Variants in AIM2 observed in about 807,000 individuals in gnomAD.
The protein encoded by AIM2 is interferon-inducible protein AIM2.
A neutral mutation model predicts 27.7 loss-of-function variants in AIM2; 30 were observed. The ratio of observed to expected loss-of-function variants is 1.08; its 90% confidence interval spans 0.81 to 1.47. AIM2 has a LOEUF of 1.47. AIM2 is among the 40% of genes most tolerant of loss of function. AIM2 has a pLI of 0.00. For missense variants in AIM2, 358 were observed against 411.3 expected, an observed-to-expected ratio of 0.87 and a Z score of 1.12; for synonymous variants, 141 against 145.3, an observed-to-expected ratio of 0.97 and a Z score of 0.21.
At chr1:159,103,216 T>C (rs1324933406) in intron 1 of AIM2, among the ~76,000 whole-genome samples, 5 of 152,206 alleles carry the variant, frequency 3.3e-5, no homozygotes, top group African/African-American at 4.8e-5. Context: ...CCTGACACCC[T>C]GTGAAGAAAC....
intron 3 of AIM2, among the ~76,000 whole-genome samples, chr1:159,066,774 A>G (rs576371575): frequency 6.6e-6 from 1 of 152,338 alleles, no homozygotes; most frequent in South Asian, 2.1e-4. Flanking sequence ...GAGGGAGCTC[A>G]GTGACCAGCA....
intron 1 of AIM2, among the ~76,000 whole-genome samples, chr1:159,098,371 C>A (rs529741918): frequency 6.6e-6 from 1 of 152,066 alleles, no homozygotes; most frequent in African/African-American, 2.4e-5. Context: ...CAACAGTTGC[C>A]ACTAACCGTA....
chr1:159,131,357 A>G (rs546101091), intron 1 of AIM2, among the ~76,000 whole-genome samples: 18 of 152,324 alleles, frequency 1.2e-4, no homozygotes, highest in African/African-American at 4.1e-4. Flanking sequence ...ATATATATGT[A>G]TATGTATACA....
intron 1 of AIM2, among the ~76,000 whole-genome samples, chr1:159,139,623 G>T (rs1648073662): frequency 6.6e-6 from 1 of 152,182 alleles, no homozygotes; most frequent in African/African-American, 2.4e-5. Flanking sequence ...ATAGGGAATA[G>T]AAATGACAAG....
intron 1 of AIM2, among the ~76,000 whole-genome samples, chr1:159,074,950 C>A (rs976580632): frequency 4.6e-5 from 7 of 151,996 alleles, no homozygotes; most frequent in Non-Finnish European, 1.0e-4. Flanking sequence ...TAGAATTTAT[C>A]AGAATGATCC....
chr1:159,097,434 T>C (rs1657202351), intron 1 of AIM2, among the ~76,000 whole-genome samples: 1 of 152,106 alleles, frequency 6.6e-6, no homozygotes, highest in African/African-American at 2.4e-5. Context: ...ACCCAAAATA[T>C]TATCTTTAGG....
At chr1:159,062,841 A>G (rs1655892925) in intron 5 of AIM2, 123 bp from the exon 6 acceptor site, 1 of 931,278 alleles carries the variant, frequency 1.1e-6, no homozygotes, top group East Asian at 2.5e-5. Flanking sequence ...TTTTGTTCCC[A>G]CCCTTCTAAT....
At chr1:159,067,647 T>G (rs573834687) in intron 3 of AIM2, among the ~76,000 whole-genome samples, 1 of 152,334 alleles carries the variant, frequency 6.6e-6, no homozygotes, top group South Asian at 2.1e-4. Flanking sequence ...TTTTCATTAC[T>G]GATGAGGGAA....
At chr1:159,094,588 C>T (rs1557902461) in intron 1 of AIM2, among the ~76,000 whole-genome samples, 2 of 152,272 alleles carry the variant, frequency 1.3e-5, no homozygotes, top group East Asian at 3.9e-4. Context: ...ATCCCTGCTA[C>T]TCGGGAGGCT....
At chr1:159,092,806 T>C (rs1173181402) in intron 1 of AIM2, among the ~76,000 whole-genome samples, 1 of 152,040 alleles carries the variant, frequency 6.6e-6, no homozygotes, top group Non-Finnish European at 1.5e-5. Context: ...GGCGGATCAA[T>C]TGAGGTCAGG....
downstream of AIM2, among the ~76,000 whole-genome samples, chr1:159,057,571 T>A (rs180772897): frequency 6.6e-6 from 1 of 152,222 alleles, no homozygotes; most frequent in Non-Finnish European, 1.5e-5. Flanking sequence ...AGAACTAGGA[T>A]GCTGACGGAG....
chr1:159,062,947 C>A (rs1316134398), intron 5 of AIM2, among the ~76,000 whole-genome samples: 2 of 152,180 alleles, frequency 1.3e-5, no homozygotes, highest in Non-Finnish European at 2.9e-5. Context: ...TTTCTCAAAT[C>A]TTGGCCTCCA....
At chr1:159,081,669 G>T, upstream of AIM2, 2 of 272,340 alleles carry the variant, frequency 7.3e-6, no homozygotes. Context: ...AAAATCCCTG[G>T]CATAGGACTT....
intron 1 of AIM2, among the ~76,000 whole-genome samples, chr1:159,137,731 A>G (rs905915983): frequency 6.6e-6 from 1 of 152,208 alleles, no homozygotes; most frequent in Non-Finnish European, 1.5e-5. Flanking sequence ...TATGTTAGAG[A>G]GTTTTCTGCA....
intron 1 of AIM2, among the ~76,000 whole-genome samples, chr1:159,118,849 T>G (rs74122265): frequency 0.061 from 8,914 of 147,028 alleles, 840 homozygotes; most frequent in African/African-American, 0.2. Context: ...CTGGTGTTTG[T>G]GTTTTTTTTT....
intron 4 of AIM2, among the ~76,000 whole-genome samples, chr1:159,064,552 A>C (rs182624014): frequency 6.6e-6 from 1 of 152,006 alleles, no homozygotes; most frequent in Admixed American, 6.6e-5. Flanking sequence ...GCAACCTCCA[A>C]CGCCCTGGGT....
At chr1:159,096,854 G>A (rs759846484) in intron 1 of AIM2, among the ~76,000 whole-genome samples, 33 of 152,018 alleles carry the variant, frequency 2.2e-4, no homozygotes, top group Admixed American at 2.0e-3. Flanking sequence ...GGGGAATGGG[G>A]GGTATACAGA....
rs770998267 is a variant in AIM2, at chr1:159,073,301, G to C, written c.199C>G (p.Arg67Gly). 18 of 1,614,018 alleles carry C rather than the reference G, an allele frequency of 1.1e-5. No individual in the cohort carries two copies. The African/African-American group carries it at 2.4e-4, about 22-fold the overall frequency. The change falls in exon 2 of 6, where the codon CGT becomes GGT. Residue 67 changes from arginine (R) to glycine (G), a missense_variant. By Grantham distance (125) the Arg-to-Gly change is moderately radical. Transcript: ENST00000368130. Reference protein sequence around the residue: ...GAVSAVMKTIRIFQKLNYMLL... With the variant: ...GAVSAVMKTIGIFQKLNYMLL... ...ATATAATTCAACTTCTGAAAAATAC[G>C]AATGGTCTTCATCACTGCAGACACC... is the stretch of plus-strand genomic sequence containing the variant.
At chr1:159,139,629 A>G (rs545775845) in intron 1 of AIM2, among the ~76,000 whole-genome samples, 41 of 152,336 alleles carry the variant, frequency 2.7e-4, no homozygotes, top group Middle Eastern at 3.4e-3. Flanking sequence ...AATAGAAATG[A>G]CAAGACAAAA....
Sources: allele counts gnomAD v4.1 joint callset (sites outside exome capture counted in the v4.1 genomes callset), GRCh38; gene constraint gnomAD v4.1.1; transcripts MANE v1.5; gene names NCBI Gene and HGNC (gene_info 2026-07-23, HGNC 2026-07-21).